KCNH7: variants seen among roughly 807,000 people sequenced by gnomAD.
KCNH7 encodes voltage-gated inwardly rectifying potassium channel KCNH7.
KCNH7 carries 49 observed loss-of-function variants against 120.8 expected under a neutral mutation model. The ratio of observed to expected loss-of-function variants is 0.41; its 90% CI spans 0.32 to 0.51. The LOEUF is 0.51. Ranked by LOEUF, KCNH7 falls within the 20% of genes least tolerant of loss-of-function variation. The pLI is 0.38. For synonymous variants in KCNH7, 547 were observed against 516.1 expected (o/e 1.06, Z -0.81); for missense variants, 1,097 against 1,446.6 (o/e 0.76, Z 3.92).
chr2:162,614,968 T>TTTCATAATTCATAA (rs1273354920), intron 2 of KCNH7, among the ~76,000 whole-genome samples: 1 of 152,110 alleles, frequency 6.6e-6, no homozygotes, highest in Non-Finnish European at 1.5e-5. Context: ...TCATAAAGTA[T>TTTCATAATTCATAA]TTCATAAATT....
chr2:162,441,545 T>A (rs146008807), intron 7 of KCNH7, among the ~76,000 whole-genome samples: 88 of 152,228 alleles, frequency 5.8e-4, no homozygotes, highest in African/African-American at 2.0e-3. Context: ...AGCAAATAAT[T>A]AATTGCAAGA....
chr2:162,371,429 T>TGCATCA lies in KCNH7; in HGVS notation c.*399_*400insTGATGC, dbSNP rs1276104271. On this transcript the variant is annotated 3_prime_UTR_variant, in exon 16 of 16. Transcript: ENST00000332142. Reference sequence around the variant, plus strand: ...CCCATGAGTTGAGGATCATCTGAATTTGAGTTGCATCCATGAACAGTTTTA... The same window carrying TGCATCA: ...CCCATGAGTTGAGGATCATCTGAATTGCATCATGAGTTGCATCCATGAACAGTTTTA... The TGCATCA allele has an allele frequency of 1.0e-4, 130 of 1,288,016 alleles. No individual in the cohort carries two copies. The highest frequency in any genetic ancestry group is 1.3e-4 in the Non-Finnish European group (126 of 988,474). The allele number at this position is 1,288,016 out of a possible 1,614,324, so 79.8% of individuals were successfully genotyped here.
intron 2 of KCNH7, among the ~76,000 whole-genome samples, chr2:162,769,578 A>G (rs1682960928): frequency 6.6e-6 from 1 of 152,120 alleles, no homozygotes; most frequent in South Asian, 2.1e-4. Flanking sequence ...GTAGAGAAAA[A>G]TACAGTTTTA....
At chr2:162,445,762 T>C (rs1180957702) in intron 7 of KCNH7, among the ~76,000 whole-genome samples, 1 of 152,196 alleles carries the variant, frequency 6.6e-6, no homozygotes, top group Admixed American at 6.6e-5. Flanking sequence ...TGCTGTGTGC[T>C]ATGGACCACT....
chr2:162,737,417 T>A (rs747973971), intron 2 of KCNH7, among the ~76,000 whole-genome samples: 1 of 151,970 alleles, frequency 6.6e-6, no homozygotes, highest in Non-Finnish European at 1.5e-5. Context: ...AGAGTGACAG[T>A]GAGAGTATTC....
At chr2:162,540,730 G>T (rs753263494) in intron 2 of KCNH7, among the ~76,000 whole-genome samples, 3 of 152,104 alleles carry the variant, frequency 2.0e-5, no homozygotes, top group African/African-American at 7.2e-5. Flanking sequence ...TTTTCACTGT[G>T]TTAGACAGGA....
intron 2 of KCNH7, among the ~76,000 whole-genome samples, chr2:162,601,310 G>A (rs754960144): frequency 6.7e-6 from 1 of 150,250 alleles, no homozygotes; most frequent in Non-Finnish European, 1.5e-5. Context: ...AAGGTTCTGG[G>A]CATTTGGCTC....
intron 3 of KCNH7, among the ~76,000 whole-genome samples, chr2:162,534,478 C>G (rs983463072): frequency 6.6e-6 from 1 of 151,024 alleles, no homozygotes; most frequent in Non-Finnish European, 1.5e-5. Flanking sequence ...TTGCATAATT[C>G]TATTAAAACA....
intron 2 of KCNH7, chr2:162,797,240 A>G (rs1409402006): frequency 1.3e-5 from 2 of 152,052 alleles, no homozygotes; most frequent in African/African-American, 4.8e-5. Flanking sequence ...CAAGCCAACA[A>G]TGTTTGAGCA....
intron 9 of KCNH7, among the ~76,000 whole-genome samples, chr2:162,420,856 A>G (rs1288307436): frequency 2.0e-5 from 3 of 152,180 alleles, no homozygotes; most frequent in Admixed American, 2.0e-4. Flanking sequence ...AATTTGAATG[A>G]TTTTAAACTG....
intron 5 of KCNH7, among the ~76,000 whole-genome samples, chr2:162,510,072 C>T (rs541614202): frequency 6.6e-6 from 1 of 151,504 alleles, no homozygotes; most frequent in African/African-American, 2.4e-5. Flanking sequence ...ATTAGGTACC[C>T]CTCTCACATA....
chr2:162,509,904 G>A (rs1023330954), intron 5 of KCNH7, among the ~76,000 whole-genome samples: 2 of 151,560 alleles, frequency 1.3e-5, no homozygotes, highest in Non-Finnish European at 3.0e-5. Flanking sequence ...GGTTACTTGA[G>A]ATAGCAAGGA....
At chr2:162,795,269 G>A (rs1665586702) in intron 2 of KCNH7, 1 of 151,900 alleles carries the variant, frequency 6.6e-6, no homozygotes, top group African/African-American at 2.4e-5. Flanking sequence ...GAATAAAATT[G>A]TTGAAGACTT....
At chr2:162,610,058 A>T (rs1381742904) in intron 2 of KCNH7, among the ~76,000 whole-genome samples, 1 of 152,180 alleles carries the variant, frequency 6.6e-6, no homozygotes, top group East Asian at 1.9e-4. Context: ...TTTACATAAC[A>T]CAGCTGGGTT....
chr2:162,661,651 A>C (rs1684962369), intron 2 of KCNH7, among the ~76,000 whole-genome samples: 1 of 152,142 alleles, frequency 6.6e-6, no homozygotes, highest in Non-Finnish European at 1.5e-5. Context: ...GGGATCTGTG[A>C]ATTCTGATAC....
intron 2 of KCNH7, among the ~76,000 whole-genome samples, chr2:162,757,501 C>A (rs1688825957): frequency 6.6e-6 from 1 of 152,018 alleles, no homozygotes; most frequent in South Asian, 2.1e-4. Flanking sequence ...AAAACAAAAT[C>A]TCCCAAGAAT....
rs561134233 is a variant in KCNH7, at chr2:162,801,475, A to AT, written c.307+35061dup. Among the ~76,000 whole-genome samples, 229 of 151,640 alleles carry AT rather than the reference A, an allele frequency of 1.5e-3. 4 individuals carry two copies. In the East Asian group the frequency reaches 0.027, roughly 18 times the overall value. ...TTTGGAAGTAATTTCTTGAAGCACC[A>AT]TTTTTTTTCCTTACTAAGAATGTCA... On this transcript the variant is annotated intron_variant, in intron 2 of 15. Coordinates refer to ENST00000332142, the MANE Select transcript of KCNH7 (RefSeq NM_033272.4).
chr2:162,494,654 C>T (rs1482230023), intron 6 of KCNH7, among the ~76,000 whole-genome samples: 1 of 152,072 alleles, frequency 6.6e-6, no homozygotes, highest in Non-Finnish European at 1.5e-5. Context: ...ATGTTTTTGA[C>T]TGTAACTATC....
chr2:162,797,155 T>C (rs931731341), intron 2 of KCNH7: 20 of 152,092 alleles, frequency 1.3e-4, no homozygotes, highest in African/African-American at 4.3e-4. Flanking sequence ...TCGTGTCTTA[T>C]GGCCACCAAT....
Sources: gnomAD v4.1 joint callset for allele counts (sites outside exome capture counted in the v4.1 genomes callset) on GRCh38, gnomAD v4.1.1 for gene constraint, MANE v1.5 for transcripts, NCBI Gene and HGNC (gene_info 2026-07-23, HGNC 2026-07-21) for gene names.